SRPK2: variants seen among roughly 807,000 people sequenced by gnomAD.
SRPK2 encodes the protein SFRS protein kinase 2.
Under a neutral mutation model 90.8 loss-of-function variants are expected in SRPK2, and 21 were observed. The ratio of observed to expected loss-of-function variants is 0.23; its 90% confidence interval spans 0.16 to 0.33. The LOEUF is 0.33. SRPK2 is among the 10% of genes least tolerant of loss of function. The pLI is 1.00. For missense variants in SRPK2, 620 were observed against 869.0 expected (o/e 0.71, Z 3.60); for synonymous variants, 288 against 311.1 (o/e 0.93, Z 0.78).
At chr7:105,302,194 T>C in intron 2 of SRPK2, 1 of 803,804 alleles carries the variant, frequency 1.2e-6, no homozygotes, top group Non-Finnish European at 2.2e-6. Context: ...TAAAATAATT[T>C]TTGTATGTTT....
At chr7:105,347,050 G>A (rs1157681319) in intron 2 of SRPK2, among the ~76,000 whole-genome samples, 2 of 150,208 alleles carry the variant, frequency 1.3e-5, no homozygotes, top group Non-Finnish European at 3.0e-5. Context: ...ACTTGGCTAT[G>A]AGATAGACTG....
intron 2 of SRPK2, among the ~76,000 whole-genome samples, chr7:105,357,935 C>T (rs539630832): frequency 1.4e-4 from 21 of 152,074 alleles, no homozygotes; most frequent in Admixed American, 5.2e-4. Flanking sequence ...GTCAAAAATC[C>T]ACATACAGGC....
intron 7 of SRPK2, among the ~76,000 whole-genome samples, chr7:105,153,777 C>T (rs992040333): frequency 6.6e-6 from 1 of 152,112 alleles, no homozygotes; most frequent in African/African-American, 2.4e-5. Flanking sequence ...GAGAAACCCA[C>T]GTGGGCAGCC....
chr7:105,286,503 T>G (rs1808122912), intron 2 of SRPK2, among the ~76,000 whole-genome samples: 1 of 152,196 alleles, frequency 6.6e-6, no homozygotes. Context: ...CTGGGTAATT[T>G]GGGCATTCTA....
In SRPK2 at chr7:105,327,896, G is replaced by A. The variant is rs569036483; in HGVS notation, c.71+60752C>T. Among the ~76,000 whole-genome samples the A allele has an allele frequency of 6.6e-5, 10 of 152,334 alleles. No individual in the cohort carries two copies. The South Asian group carries it at 2.1e-3, about 32-fold the overall frequency. On this transcript the variant is annotated intron_variant, in intron 2 of 15. Transcript: ENST00000393651. ...GCTCACTGCAAGCTCCACCTCGCAG[G>A]TTCACGCCATTCTCCTGCCTCAGCC...
rs1563025439 is a variant in SRPK2, at chr7:105,170,877, AAG to A, written c.230-1614_230-1613del. Among the ~76,000 whole-genome samples the A allele has an allele frequency of 7.9e-4, 105 of 133,380 alleles. 7 individuals carry two copies. Among genetic ancestry groups the A allele is most frequent in the African/African-American group, 2.7e-3 (95 of 34,852 alleles). 87.5% of individuals were successfully genotyped at this position (133,380 alleles called of 152,430 possible). A position where few individuals can be genotyped will look rare whatever the true frequency, so the allele number is the denominator to read the frequency against. Reference sequence around the variant, plus strand: ...AAAGAAAGAAAGAAAGAAAGAAAGAAAGAAAGAAAGAAAGAAAGAAAGAAAGA... The same window carrying A: ...AAAGAAAGAAAGAAAGAAAGAAAGAAAAAGAAAGAAAGAAAGAAAGAAAGA... On this transcript the variant is annotated intron_variant, in intron 3 of 15. Coordinates refer to ENST00000393651, the MANE Select transcript of SRPK2 (RefSeq NM_182692.3).
At chr7:105,365,123 T>C (rs1422345241) in intron 2 of SRPK2, among the ~76,000 whole-genome samples, 1 of 152,098 alleles carries the variant, frequency 6.6e-6, no homozygotes, top group Non-Finnish European at 1.5e-5. Flanking sequence ...TCCTTACAAA[T>C]TGGATTAATG....
At chr7:105,297,358 G>C (rs1809958425) in intron 2 of SRPK2, 1 of 563,148 alleles carries the variant, frequency 1.8e-6, no homozygotes. Flanking sequence ...GTGATCACAA[G>C]TGCTGGAAAC....
chr7:105,212,047 C>T (rs897724739), intron 2 of SRPK2, among the ~76,000 whole-genome samples: 2 of 152,152 alleles, frequency 1.3e-5, no homozygotes, highest in African/African-American at 4.8e-5. Flanking sequence ...TTTATCCTTC[C>T]CATTTTACAC....
chr7:105,148,937 T>G (rs1472473537), intron 7 of SRPK2, among the ~76,000 whole-genome samples: 1 of 152,208 alleles, frequency 6.6e-6, no homozygotes, highest in African/African-American at 2.4e-5. Flanking sequence ...CTAGTCTCAA[T>G]AAACCAGGGG....
chr7:105,204,742 C>A, intron 2 of SRPK2: 1 of 643,200 alleles, frequency 1.6e-6, no homozygotes, highest in Non-Finnish European at 2.7e-6. Context: ...TGGTCTGGTT[C>A]TGGTCAAGCA....
At chr7:105,376,730 G>A (rs1234955240) in intron 2 of SRPK2, among the ~76,000 whole-genome samples, 1 of 151,370 alleles carries the variant, frequency 6.6e-6, no homozygotes, top group East Asian at 1.9e-4. Context: ...TAGAGATGGG[G>A]TTTCGCCATG....
At chr7:105,331,746 A>C (rs61150364) in intron 2 of SRPK2, among the ~76,000 whole-genome samples, 1,764 of 152,294 alleles carry the variant, frequency 0.012, 32 homozygotes, top group African/African-American at 0.04. Flanking sequence ...AGTTGCAATA[A>C]ATAAGTACTA....
chr7:105,286,598 C>T (rs928134103), intron 2 of SRPK2, among the ~76,000 whole-genome samples: 1 of 152,182 alleles, frequency 6.6e-6, no homozygotes, highest in Non-Finnish European at 1.5e-5. Context: ...CCAACGAAAT[C>T]ACTCTCTGGG....
chr7:105,331,328 AAAAAAAAAAC>A (rs1437488671), intron 2 of SRPK2, among the ~76,000 whole-genome samples: 221 of 145,924 alleles, frequency 1.5e-3, no homozygotes, highest in African/African-American at 5.2e-3. Context: ...AAAAAAAAAA[AAAAAAAAAAC>A]AAATAGTTAT....
chr7:105,185,374 T>G (rs1345214748), intron 3 of SRPK2, among the ~76,000 whole-genome samples: 1 of 152,050 alleles, frequency 6.6e-6, no homozygotes, highest in Admixed American at 6.6e-5. Context: ...AAAGCCCTAA[T>G]TATCCACATT....
At chr7:105,286,016 C>G (rs1304388411) in intron 2 of SRPK2, among the ~76,000 whole-genome samples, 1 of 152,070 alleles carries the variant, frequency 6.6e-6, no homozygotes, top group Non-Finnish European at 1.5e-5. Context: ...CTCCCATATC[C>G]CTGTAAGATA....
chr7:105,121,176 G>A (rs1282221852), intron 15 of SRPK2, among the ~76,000 whole-genome samples: 2 of 151,686 alleles, frequency 1.3e-5, no homozygotes, highest in African/African-American at 4.8e-5. Context: ...GGTGAAACCC[G>A]ATCTCTAATA....
At chr7:105,353,336 TTTTG>T (rs1563275762) in intron 2 of SRPK2, among the ~76,000 whole-genome samples, 1 of 151,828 alleles carries the variant, frequency 6.6e-6, no homozygotes, top group Non-Finnish European at 1.5e-5. Flanking sequence ...CAGGTAATGG[TTTTG>T]TTTTTTTGTG....
Sources: gnomAD v4.1 joint callset for allele counts (sites outside exome capture counted in the v4.1 genomes callset) on GRCh38, gnomAD v4.1.1 for gene constraint, MANE v1.5 for transcripts, NCBI Gene and HGNC (gene_info 2026-07-23, HGNC 2026-07-21) for gene names.